Variants in TEK observed in about 807,000 individuals in gnomAD.
The protein encoded by TEK is angiopoietin-1 receptor.
In TEK, 43 loss-of-function variants were observed where a neutral mutation model predicts 131.8. The observed-to-expected ratio is 0.33, with a 90% CI of 0.26 to 0.42. TEK has a LOEUF of 0.42. TEK is among the 10% of genes least tolerant of loss of function. TEK has a pLI of 1.00. For synonymous variants in TEK, 580 were observed against 491.6 expected, an observed-to-expected ratio of 1.18 and a Z score of -2.38; for missense variants, 1,162 against 1,384.4, an observed-to-expected ratio of 0.84 and a Z score of 2.55.
At chr9:27,199,842 A>G (rs1331654761) in intron 12 of TEK, among the ~76,000 whole-genome samples, 1 of 152,160 alleles carries the variant, frequency 6.6e-6, no homozygotes, top group Non-Finnish European at 1.5e-5. Flanking sequence ...GGTGGCTTTT[A>G]ACCCACAGAC....
intron 2 of TEK, among the ~76,000 whole-genome samples, chr9:27,163,255 T>C (rs1587537932): frequency 6.6e-6 from 1 of 152,210 alleles, no homozygotes; most frequent in Non-Finnish European, 1.5e-5. Context: ...TCTAGAAGCC[T>C]GGCTTTAACC....
intron 2 of TEK, among the ~76,000 whole-genome samples, chr9:27,162,404 C>G (rs909786018): frequency 3.9e-5 from 6 of 152,174 alleles, no homozygotes; most frequent in Admixed American, 3.9e-4. Flanking sequence ...AAATAGTCAA[C>G]AGCAGTTTGA....
chr9:27,136,085 A>ATTTATTT (rs765219714), intron 1 of TEK, among the ~76,000 whole-genome samples: 1 of 137,018 alleles, frequency 7.3e-6, no homozygotes, highest in Admixed American at 7.6e-5. Context: ...CAGGGCAGTT[A>ATTTATTT]TTTTTTTTTT....
At position 27,129,134 on chromosome 9, in the gene TEK, T is replaced by G. The variant is rs915945907; in HGVS notation, c.52+19492T>G. Among the ~76,000 whole-genome samples, 54 of 152,288 alleles carry G rather than the reference T, an allele frequency of 3.5e-4. 1 individual carries two copies. The highest frequency in any genetic ancestry group is 3.3e-3 in the Admixed American group (50 of 15,288). Reference sequence around the variant, plus strand: ...GGTTTGTCATAAATAGCTCTTAATATTTTGAGATATGTCCTATCAATACCT... The same window carrying G: ...GGTTTGTCATAAATAGCTCTTAATAGTTTGAGATATGTCCTATCAATACCT... On this transcript the variant is annotated intron_variant, in intron 1 of 22. Transcript: ENST00000380036.
intron 1 of TEK, among the ~76,000 whole-genome samples, chr9:27,123,143 A>G (rs982464630): frequency 1.3e-5 from 2 of 150,578 alleles, no homozygotes; most frequent in African/African-American, 4.9e-5. Context: ...GTTGCGAAGC[A>G]TTTTTAGTGA....
At chr9:27,145,173 A>G (rs1214728596) in intron 1 of TEK, among the ~76,000 whole-genome samples, 3 of 152,190 alleles carry the variant, frequency 2.0e-5, no homozygotes, top group East Asian at 1.9e-4. Context: ...CTGCCACCAC[A>G]TTGCCAGGCT....
At chr9:27,221,574 G>A (rs200033133) in intron 21 of TEK, among the ~76,000 whole-genome samples, 1 of 152,208 alleles carries the variant, frequency 6.6e-6, no homozygotes, top group African/African-American at 2.4e-5. Flanking sequence ...AACCCAGGCA[G>A]CAATCTTTGC....
rs767259469 is a variant in TEK, at chr9:27,204,918, G to A, written c.2217G>A (p.Ala739=). ...CTCTGTCTTCCTGCACAGCACCAGC[G>A]GACCTCGGAGGGGGGAAGATGCTGC... ...LVTLPESQAP[A]DLGGGKMLLI... The change falls in exon 14 of 23, where the codon GCG becomes GCA. Residue 739 remains alanine (A), a synonymous_variant. Coordinates refer to ENST00000380036, the MANE Select transcript of TEK (RefSeq NM_000459.5). The A allele has an allele frequency of 3.3e-5, 54 of 1,613,746 alleles. No individual in the cohort carries two copies. In the East Asian group the frequency reaches 1.0e-3, roughly 30 times the overall value.
At chr9:27,119,890 C>CATGT (rs1554686399) in intron 1 of TEK, among the ~76,000 whole-genome samples, 2 of 151,098 alleles carry the variant, frequency 1.3e-5, no homozygotes, top group East Asian at 1.9e-4. Flanking sequence ...TGTGCACATG[C>CATGT]GTGTGTGTGT....
At chr9:27,141,086 C>T (rs1250481461) in intron 1 of TEK, among the ~76,000 whole-genome samples, 2 of 151,936 alleles carry the variant, frequency 1.3e-5, no homozygotes, top group African/African-American at 4.8e-5. Context: ...ATTTAATTTT[C>T]TTCTGCTGTC....
At chr9:27,150,756 T>C (rs910138199) in intron 1 of TEK, among the ~76,000 whole-genome samples, 3 of 152,172 alleles carry the variant, frequency 2.0e-5, no homozygotes, top group Non-Finnish European at 4.4e-5. Flanking sequence ...TTCAGTAAAG[T>C]CTCGTTGTGT....
At chr9:27,175,938 T>C (rs1212138323) in intron 6 of TEK, among the ~76,000 whole-genome samples, 2 of 152,196 alleles carry the variant, frequency 1.3e-5, no homozygotes, top group Non-Finnish European at 2.9e-5. Context: ...TTTTGTAGGT[T>C]GCCTGTTCAC....
chr9:27,193,985 T>A (rs552566670), intron 11 of TEK, among the ~76,000 whole-genome samples: 22 of 152,222 alleles, frequency 1.4e-4, no homozygotes, highest in African/African-American at 3.9e-4. Flanking sequence ...AAAAAATTTT[T>A]TTTGTAGAGA....
intron 3 of TEK, among the ~76,000 whole-genome samples, chr9:27,168,987 T>A (rs1486141186): frequency 6.6e-6 from 1 of 152,220 alleles, no homozygotes; most frequent in Non-Finnish European, 1.5e-5. Context: ...AGTCCAACTG[T>A]GTAATCCAAA....
intron 21 of TEK, among the ~76,000 whole-genome samples, chr9:27,226,566 C>A (rs576733567): frequency 2.0e-5 from 3 of 151,620 alleles, no homozygotes; most frequent in African/African-American, 7.3e-5. Context: ...GAATATCACA[C>A]GCCTATCGGG....
intron 1 of TEK, among the ~76,000 whole-genome samples, chr9:27,121,946 T>C (rs1821808473): frequency 6.6e-6 from 1 of 152,246 alleles, no homozygotes; most frequent in Non-Finnish European, 1.5e-5. Context: ...TTCACAGTGA[T>C]CGACCTGTCT....
chr9:27,170,367 G>A (rs914877334), intron 4 of TEK, among the ~76,000 whole-genome samples: 4 of 152,090 alleles, frequency 2.6e-5, no homozygotes, highest in Admixed American at 6.6e-5. Context: ...GGCTGGGTAC[G>A]GTGGCTCATG....
At chr9:27,223,970 A>C (rs1826195736) in intron 21 of TEK, among the ~76,000 whole-genome samples, 1 of 152,258 alleles carries the variant, frequency 6.6e-6, no homozygotes, top group Non-Finnish European at 1.5e-5. Context: ...CCATCAGAGA[A>C]TACTATAAAC....
At chr9:27,214,057 G>C (rs1396688836) in intron 18 of TEK, among the ~76,000 whole-genome samples, 2 of 152,200 alleles carry the variant, frequency 1.3e-5, no homozygotes, top group East Asian at 3.8e-4. Context: ...GCTCATCTAA[G>C]ATTTCTCTCT....
Sources: gnomAD v4.1 joint callset for allele counts (sites outside exome capture counted in the v4.1 genomes callset) on GRCh38, gnomAD v4.1.1 for gene constraint, MANE v1.5 for transcripts, NCBI Gene and HGNC (gene_info 2026-07-23, HGNC 2026-07-21) for gene names.